E2F5: variants seen among roughly 807,000 people sequenced by gnomAD.
E2F5 encodes the protein E2F transcription factor 5, also known as transcription factor E2F5.
E2F5 carries 23 observed loss-of-function variants against 39.1 expected under a neutral mutation model. The ratio of observed to expected loss-of-function variants is 0.59; its 90% CI spans 0.42 to 0.83. The LOEUF (loss-of-function observed/expected upper bound fraction) is 0.83, where lower values mean the gene tolerates loss of function less well. E2F5 is among the 40% of genes least tolerant of loss of function. The pLI is 0.00. For synonymous variants in E2F5, 145 were observed against 157.8 expected (o/e 0.92, Z 0.61); for missense variants, 365 against 406.7 (o/e 0.90, Z 0.88).
chr8:85,200,440 C>G (rs1242028207), intron 1 of E2F5: 1 of 399,250 alleles, frequency 2.5e-6, no homozygotes, highest in East Asian at 1.6e-4. Context: ...AAATGATAAA[C>G]AAGACACCTT....
intron 3 of E2F5, among the ~76,000 whole-genome samples, chr8:85,205,676 G>T (rs1240581247): frequency 6.6e-6 from 1 of 152,178 alleles, no homozygotes; most frequent in African/African-American, 2.4e-5. Flanking sequence ...CCACCTTGTT[G>T]TCTTAACCAT....
At chr8:85,196,417 C>A (rs1256289883) in intron 1 of E2F5, among the ~76,000 whole-genome samples, 3 of 152,106 alleles carry the variant, frequency 2.0e-5, no homozygotes, top group African/African-American at 7.2e-5. Context: ...GACATGTATG[C>A]AATTTTTTGT....
At chr8:85,213,468 G>A (rs1353423240) in intron 7 of E2F5, 2 of 178,308 alleles carry the variant, frequency 1.1e-5, no homozygotes, top group East Asian at 1.6e-4. Context: ...CGTGAACCCG[G>A]GAGTCGGGAG....
intron 6 of E2F5, among the ~76,000 whole-genome samples, chr8:85,211,031 G>A (rs1000272070): frequency 3.3e-5 from 5 of 152,068 alleles, no homozygotes; most frequent in Non-Finnish European, 7.4e-5. Context: ...CTGGGAAGCA[G>A]AATTCAGAAG....
rs111369921 is a variant in E2F5, at chr8:85,177,679, G to A, written c.234+25G>A. On this transcript the variant is annotated intron_variant, in intron 1 of 7. Transcript: ENST00000416274. ...GGTGAGCTCCGGAGGCGGGGACGGGGGCGGACTTCGGAACCCGTGGCCCCC... is the reference window on the plus strand; with the variant it reads ...GGTGAGCTCCGGAGGCGGGGACGGGAGCGGACTTCGGAACCCGTGGCCCCC... The A allele has an allele frequency of 3.1e-3, 3,915 of 1,258,582 alleles. 8 individuals are homozygous for A. The highest frequency in any genetic ancestry group is 3.9e-3 in the Admixed American group (110 of 28,510). The allele number at this position is 1,258,582 out of a possible 1,614,324, so 78.0% of individuals were successfully genotyped here.
At chr8:85,206,022 A>T in intron 3 of E2F5, 155 bp from the exon 4 acceptor site, 3 of 651,170 alleles carry the variant, frequency 4.6e-6, no homozygotes, top group Non-Finnish European at 5.2e-6. Context: ...CTTTGTCTTT[A>T]CCTTTCTAGA....
chr8:85,184,108 C>T (rs1259130526), intron 1 of E2F5, among the ~76,000 whole-genome samples: 5 of 152,086 alleles, frequency 3.3e-5, no homozygotes, highest in African/African-American at 1.2e-4. Context: ...TGATGAACGT[C>T]GATGCAAAAA....
At chr8:85,188,978 A>G (rs1292959237) in intron 1 of E2F5, among the ~76,000 whole-genome samples, 1 of 152,146 alleles carries the variant, frequency 6.6e-6, no homozygotes, top group African/African-American at 2.4e-5. Context: ...TTGTGAAGGT[A>G]TGTTATAGTA....
In E2F5 at chr8:85,209,353, A is replaced by C. The variant is rs1425657246; in HGVS notation, c.827A>C (p.His276Pro). 4.3e-6 allele frequency: 7 copies of C among 1,613,940 alleles called. No homozygotes were observed. Among genetic ancestry groups the C allele is most frequent in the East Asian group, 2.2e-5 (1 of 44,880 alleles). ...SMATQNLPEQ[H>P]VSERSQALQQ... ...GCAACTCAAAATCTGCCTGAGCAACATGTCTCTGAAAGAAGCCAGGCTCTG... is the reference window on the plus strand; with the variant it reads ...GCAACTCAAAATCTGCCTGAGCAACCTGTCTCTGAAAGAAGCCAGGCTCTG... Residue 276 changes from histidine (H) to proline (P), a missense_variant, in exon 6 of 8, where the codon CAT (histidine) becomes CCT (proline). Coordinates refer to ENST00000416274, the MANE Select transcript of E2F5 (RefSeq NM_001951.4).
chr8:85,182,234 A>T (rs1165187289), intron 1 of E2F5, among the ~76,000 whole-genome samples: 1 of 152,212 alleles, frequency 6.6e-6, no homozygotes, highest in Non-Finnish European at 1.5e-5. Flanking sequence ...GCTAATATAC[A>T]TCAAGAGCTT....
At chr8:85,188,161 G>A (rs1812382398) in intron 1 of E2F5, among the ~76,000 whole-genome samples, 1 of 152,058 alleles carries the variant, frequency 6.6e-6, no homozygotes, top group Non-Finnish European at 1.5e-5. Flanking sequence ...CAGCTACTAT[G>A]ATTTTTAATA....
At chr8:85,205,219 C>T (rs376046625) in intron 3 of E2F5, among the ~76,000 whole-genome samples, 1 of 151,222 alleles carries the variant, frequency 6.6e-6, no homozygotes. Flanking sequence ...ACTAGCTAAT[C>T]GTAGTGTTCT....
In E2F5 at chr8:85,177,384, G is replaced by C. The variant is rs1286016212; in HGVS notation, c.-37G>C. 1.0e-6 allele frequency: 1 copy of C among 987,042 alleles called. No individual in the cohort carries two copies. The highest frequency in any genetic ancestry group is 1.8e-5 in the African/African-American group (1 of 56,998). The allele number at this position is 987,042 out of a possible 1,614,324, so 61.1% of individuals were successfully genotyped here. ...CCGCGGGCGGGGCCGGCGAGCGAAA[G>C]TGCGCGGGGGCCCGACCACCGCGGG... On this transcript the variant is annotated 5_prime_UTR_variant, in exon 1 of 8. Coordinates refer to ENST00000416274, the MANE Select transcript of E2F5 (RefSeq NM_001951.4).
intron 3 of E2F5, 99 bp downstream of exon 3, chr8:85,203,354 T>G (rs1812733205): frequency 1.1e-6 from 1 of 908,050 alleles, no homozygotes. Context: ...TTTAGACAGT[T>G]AAGTTTTATA....
At position 85,209,387 on chromosome 8, in the gene E2F5, A is replaced by G. The variant is rs1812868838; in HGVS notation, c.861A>G (p.Thr287=). The change falls in exon 6 of 8, where the codon ACA becomes ACG. Residue 287 remains threonine (T), a synonymous_variant. Transcript: ENST00000416274. ...AAAGAAGCCAGGCTCTGCAGCAGAC[A>G]TCAGCTACAGATATATCTTCAGGTG... ...VSERSQALQQ[T]SATDISSAGS... 1.2e-6 allele frequency: 2 copies of G among 1,611,766 alleles called. No homozygotes were observed. Among genetic ancestry groups the G allele is most frequent in the Non-Finnish European group, 8.5e-7 (1 of 1,178,726 alleles).
chr8:85,185,477 G>A (rs1211304013), intron 1 of E2F5, among the ~76,000 whole-genome samples: 3 of 152,152 alleles, frequency 2.0e-5, no homozygotes, highest in Admixed American at 6.5e-5. Flanking sequence ...TCTAAAACAC[G>A]AAAAGCAATG....
At chr8:85,181,569 G>A (rs568518570) in intron 1 of E2F5, among the ~76,000 whole-genome samples, 1 of 139,454 alleles carries the variant, frequency 7.2e-6, no homozygotes, top group South Asian at 2.3e-4. Context: ...TCGATCTTCT[G>A]ACCTCGTGAT....
At chr8:85,189,036 C>T (rs1420274496) in intron 1 of E2F5, among the ~76,000 whole-genome samples, 2 of 152,108 alleles carry the variant, frequency 1.3e-5, no homozygotes, top group South Asian at 2.1e-4. Context: ...ATTGCTGAAG[C>T]GTCCTACTCT....
chr8:85,204,219 T>G (rs948614742), intron 3 of E2F5, among the ~76,000 whole-genome samples: 5 of 152,142 alleles, frequency 3.3e-5, no homozygotes, highest in African/African-American at 1.2e-4. Context: ...TGCCCTGCTT[T>G]ACGAGATGCT....
Sources: gnomAD v4.1 joint callset for allele counts (sites outside exome capture counted in the v4.1 genomes callset) on GRCh38, gnomAD v4.1.1 for gene constraint, MANE v1.5 for transcripts, NCBI Gene and HGNC (gene_info 2026-07-23, HGNC 2026-07-21) for gene names.